Variants in SASH1 observed in about 807,000 individuals in gnomAD.
The protein encoded by SASH1 is SAM and SH3 domain containing 1.
SASH1 carries 44 observed loss-of-function variants against 125.2 expected under a neutral mutation model. That is an observed-to-expected ratio of 0.35 (90% confidence interval 0.28 to 0.45). The LOEUF (loss-of-function observed/expected upper bound fraction) is 0.45. SASH1 is among the 20% of genes least tolerant of loss of function. SASH1 has a pLI of 1.00. For missense variants in SASH1, 1,426 were observed against 1,614.5 expected, an observed-to-expected ratio of 0.88 and a Z score of 2.00; for synonymous variants, 639 against 649.1, an observed-to-expected ratio of 0.98 and a Z score of 0.24.
At chr6:148,492,861 T>A (rs1040926204) in intron 8 of SASH1, among the ~76,000 whole-genome samples, 1 of 142,182 alleles carries the variant, frequency 7.0e-6, no homozygotes, top group Non-Finnish European at 1.5e-5. Flanking sequence ...AATAAATAAA[T>A]AAATAAATAA....
At chr6:148,421,572 G>C (rs1420210516) in intron 2 of SASH1, among the ~76,000 whole-genome samples, 4 of 152,244 alleles carry the variant, frequency 2.6e-5, no homozygotes, top group Admixed American at 2.0e-4. Context: ...CCAAAGTGCT[G>C]GGATTACAGG....
At chr6:148,264,333 G>A in the SASH1 span, among the ~76,000 whole-genome samples, 23 of 152,300 alleles carry the variant, frequency 1.5e-4, no homozygotes, top group Non-Finnish European at 2.9e-4. Flanking sequence ...GTTCATAGAA[G>A]ACTGCTTTAA....
At chr6:148,340,104 CTTGCTGAGTTAT>C (rs1380332075), upstream of SASH1, among the ~76,000 whole-genome samples, 2 of 152,150 alleles carry the variant, frequency 1.3e-5, no homozygotes, top group African/African-American at 2.4e-5. Flanking sequence ...TGCCTGGCTC[CTTGCTGAGTTAT>C]TTGCTGGAAA....
chr6:148,492,978 C>A (rs1779171867), intron 8 of SASH1, among the ~76,000 whole-genome samples: 1 of 152,204 alleles, frequency 6.6e-6, no homozygotes, highest in Non-Finnish European at 1.5e-5. Flanking sequence ...CAAATAAATT[C>A]AGCCTGTCTT....
intron 8 of SASH1, among the ~76,000 whole-genome samples, chr6:148,512,004 CATTT>C (rs79447361): frequency 0.096 from 12,400 of 129,052 alleles, 633 homozygotes; most frequent in Middle Eastern, 0.16. Context: ...TTGATTTCAA[CATTT>C]ATTTATTTAT....
chr6:148,213,268 A>G, the SASH1 span, among the ~76,000 whole-genome samples: 1 of 152,112 alleles, frequency 6.6e-6, no homozygotes, highest in Admixed American at 6.5e-5. Context: ...TCTCTGTGGG[A>G]TATTGCACAG....
At chr6:148,289,633 T>A (rs1779574018) in intron 1 of SASH1, among the ~76,000 whole-genome samples, 1 of 152,190 alleles carries the variant, frequency 6.6e-6, no homozygotes, top group Non-Finnish European at 1.5e-5. Context: ...TAGACAATTG[T>A]TACTGATAAG....
At chr6:148,399,187 T>G (rs988112354) in intron 2 of SASH1, among the ~76,000 whole-genome samples, 3 of 151,200 alleles carry the variant, frequency 2.0e-5, no homozygotes, top group Admixed American at 1.3e-4. Context: ...TTCAGATTTT[T>G]CAAATGTGCA....
rs549425296 is a variant in SASH1, at chr6:148,321,877, T to C, written n.74+49500T>C. On this transcript the variant is annotated intron_variant and non_coding_transcript_variant, in intron 1 of 3. Transcript: ENST00000367469. ...TGTTAATAGGAAAGGAGGAGTCTAT[T>C]TGATCTTTAAAAGAGAAAACTCCTA... 2.0e-5 allele frequency among the ~76,000 whole-genome samples: 3 copies of C among 152,334 alleles called. No homozygotes were observed. The South Asian group carries it at 6.2e-4, about 32-fold the overall frequency.
chr6:148,479,350 A>C (rs927069833), intron 7 of SASH1: 3 of 179,446 alleles, frequency 1.7e-5, no homozygotes, highest in African/African-American at 7.1e-5. Flanking sequence ...CGTCCAGCCG[A>C]CTGCACCACT....
intron 1 of SASH1, among the ~76,000 whole-genome samples, chr6:148,387,566 C>T (rs561052513): frequency 5.8e-4 from 41 of 70,092 alleles, no homozygotes; most frequent in East Asian, 5.4e-3. Flanking sequence ...TCTTTCTTTT[C>T]TCTTTCTTTC....
intron 1 of SASH1, among the ~76,000 whole-genome samples, chr6:148,314,493 T>C (rs910472353): frequency 6.6e-6 from 1 of 152,200 alleles, no homozygotes; most frequent in Non-Finnish European, 1.5e-5. Context: ...ATGAGGAATT[T>C]ACTGAGCCCG....
the SASH1 span, among the ~76,000 whole-genome samples, chr6:148,260,033 T>G: frequency 2.6e-5 from 4 of 152,302 alleles, no homozygotes; most frequent in East Asian, 7.7e-4. Flanking sequence ...CTATAAGGCA[T>G]GTACCACTGC....
At chr6:148,383,270 C>CA (rs1783225122) in intron 1 of SASH1, among the ~76,000 whole-genome samples, 2 of 151,962 alleles carry the variant, frequency 1.3e-5, no homozygotes, top group South Asian at 4.2e-4. Flanking sequence ...GGAAGTCATT[C>CA]AAAAAATCAG....
chr6:148,546,163 TC>T lies in SASH1; in HGVS notation c.3480+18del. ...CGCATGGCGGTGAGCAGCCCACAGT[TC>T]TCCAGCTTCCTGAGGCACATTTAGT... On this transcript the variant is annotated intron_variant, in intron 19 of 19. Transcript: ENST00000367467. 6.2e-7 allele frequency: 1 copy of T among 1,610,828 alleles called. No individual in the cohort carries two copies.
At chr6:148,538,958 T>C (rs573744598) in intron 16 of SASH1, among the ~76,000 whole-genome samples, 78 of 152,356 alleles carry the variant, frequency 5.1e-4, no homozygotes, top group South Asian at 4.6e-3. Flanking sequence ...GCGTGTAACC[T>C]CAGTGTCCCA....
At chr6:148,261,163 A>G in the SASH1 span, among the ~76,000 whole-genome samples, 5 of 152,156 alleles carry the variant, frequency 3.3e-5, no homozygotes, top group African/African-American at 9.7e-5. Flanking sequence ...GTTAATCACC[A>G]TGAAGATTTC....
At chr6:148,377,969 T>TG (rs1440438724) in intron 1 of SASH1, among the ~76,000 whole-genome samples, 1 of 152,134 alleles carries the variant, frequency 6.6e-6, no homozygotes, top group African/African-American at 2.4e-5. Flanking sequence ...TACCTTACTC[T>TG]GGGTCAGTAA....
Position 148,533,057 on chromosome 6 carries a change from A to G in SASH1, c.1734+91A>G. ...CCTCCTCACTGTTGAATGCTGGGCTACTATGGTACAGACTGGACAGTATCT... is the reference window on the plus strand; with the variant it reads ...CCTCCTCACTGTTGAATGCTGGGCTGCTATGGTACAGACTGGACAGTATCT... On this transcript the variant is annotated intron_variant, in intron 14 of 19. Coordinates refer to ENST00000367467, the MANE Select transcript of SASH1 (RefSeq NM_015278.5). This position sits in a 1 kb window ranked among gnomAD's most constrained non-coding sequence, Gnocchi z 6.2. 2 of 1,381,404 alleles carry G rather than the reference A, an allele frequency of 1.4e-6. No individual in the cohort carries two copies. Among genetic ancestry groups the G allele is most frequent in the South Asian group, 1.2e-5 (1 of 80,610 alleles). The allele number at this position is 1,381,404 out of a possible 1,614,324, so 85.6% of individuals were successfully genotyped here.
Sources: allele counts gnomAD v4.1 joint callset (sites outside exome capture counted in the v4.1 genomes callset), GRCh38; gene constraint gnomAD v4.1.1; non-coding constraint Gnocchi (gnomAD v3.1); transcripts MANE v1.5; gene names NCBI Gene and HGNC (gene_info 2026-07-23, HGNC 2026-07-21).